WDR20: variants seen among roughly 807,000 people sequenced by gnomAD.
WDR20 encodes WD repeat domain 20.
WDR20 carries 3 observed loss-of-function variants against 38.7 expected under a neutral mutation model. The observed-to-expected ratio is 0.08, with a 90% confidence interval of 0.04 to 0.20. The LOEUF is 0.20. Ranked by LOEUF, WDR20 falls within the 10% of genes least tolerant of loss-of-function variation. The pLI, the probability that WDR20 is intolerant of heterozygous loss-of-function variation, is 1.00. For missense variants in WDR20, 559 were observed against 727.7 expected (o/e 0.77, Z 2.67); for synonymous variants, 298 against 285.6 (o/e 1.04, Z -0.44).
chr14:102,174,530 C>T (rs889793527), intron 1 of WDR20, among the ~76,000 whole-genome samples: 1 of 152,348 alleles, frequency 6.6e-6, no homozygotes, highest in South Asian at 2.1e-4. Flanking sequence ...AGCGATTCTC[C>T]TGTCTCAGCC....
At chr14:102,166,773 G>A (rs2059870873) in intron 1 of WDR20, among the ~76,000 whole-genome samples, 1 of 152,146 alleles carries the variant, frequency 6.6e-6, no homozygotes, top group Non-Finnish European at 1.5e-5. Context: ...TCACTCATGA[G>A]ACTGTCTTTT....
At chr14:102,172,483 G>A (rs1596261277) in intron 1 of WDR20, among the ~76,000 whole-genome samples, 4 of 150,544 alleles carry the variant, frequency 2.7e-5, no homozygotes, top group East Asian at 1.9e-4. Flanking sequence ...AGTAGGGGCG[G>A]CCGGGCAGAG....
intron 1 of WDR20, among the ~76,000 whole-genome samples, chr14:102,144,053 A>T (rs2052606705): frequency 6.6e-6 from 1 of 151,434 alleles, no homozygotes; most frequent in South Asian, 2.1e-4. Flanking sequence ...CCATGGTGGT[A>T]TGTGCCTGTA....
At chr14:102,184,153 G>T (rs2064000300) in intron 1 of WDR20, among the ~76,000 whole-genome samples, 3 of 152,170 alleles carry the variant, frequency 2.0e-5, no homozygotes, top group African/African-American at 7.2e-5. Context: ...GTGTTAGTAT[G>T]TGTGCAAATT....
upstream of WDR20, chr14:102,139,685 C>G: frequency 3.0e-6 from 2 of 672,638 alleles, no homozygotes; most frequent in Non-Finnish European, 4.9e-6. Flanking sequence ...GAGGCCACAC[C>G]CGGGGGAGGA....
At chr14:102,200,467 T>TTGTG (rs71395660) in intron 2 of WDR20, among the ~76,000 whole-genome samples, 4,866 of 117,462 alleles carry the variant, frequency 0.041, 137 homozygotes, top group Middle Eastern at 0.087. Flanking sequence ...ATTTTTTTTT[T>TTGTG]TGTGTGTGTG....
intron 1 of WDR20, among the ~76,000 whole-genome samples, chr14:102,193,679 T>C (rs2058927821): frequency 6.6e-6 from 1 of 152,350 alleles, no homozygotes; most frequent in East Asian, 1.9e-4. Flanking sequence ...TCATTACTTA[T>C]ATTTGTTATT....
chr14:102,148,669 TTGTGTGTGTGTGTG>T (rs10525828), intron 1 of WDR20, among the ~76,000 whole-genome samples: 76 of 144,930 alleles, frequency 5.2e-4, no homozygotes, highest in Admixed American at 1.4e-3. Flanking sequence ...GAGTTTGGCT[TTGTGTGTGTGTGTG>T]TGTGTGTGTG....
chr14:102,189,647 C>T (rs189910229), intron 1 of WDR20, among the ~76,000 whole-genome samples: 2 of 152,166 alleles, frequency 1.3e-5, no homozygotes, highest in African/African-American at 4.8e-5. Context: ...AAAAAACTTA[C>T]GGTGAAGAAC....
At chr14:102,196,676 G>C (rs1261539532) in intron 2 of WDR20, among the ~76,000 whole-genome samples, 5 of 152,140 alleles carry the variant, frequency 3.3e-5, no homozygotes, top group Non-Finnish European at 7.4e-5. Flanking sequence ...GGGAGTTGGA[G>C]ACCACACGTC....
intron 1 of WDR20, among the ~76,000 whole-genome samples, chr14:102,180,299 G>A (rs1223837567): frequency 6.6e-6 from 1 of 152,108 alleles, no homozygotes; most frequent in Non-Finnish European, 1.5e-5. Flanking sequence ...TTCCCATTTT[G>A]TGGAAGTGGT....
At chr14:102,224,630 A>G (rs1337777694), downstream of WDR20, 5 of 455,844 alleles carry the variant, frequency 1.1e-5, no homozygotes, top group Admixed American at 4.7e-5. Flanking sequence ...CTACATTTTC[A>G]CCATTTGTAT....
intron 1 of WDR20, among the ~76,000 whole-genome samples, chr14:102,156,710 A>G (rs1023400277): frequency 6.6e-6 from 1 of 150,986 alleles, no homozygotes; most frequent in East Asian, 2.0e-4. Flanking sequence ...TTTAAAAACT[A>G]TTGGGGCCAG....
chr14:102,162,629 C>T (rs114311704), intron 1 of WDR20, among the ~76,000 whole-genome samples: 2,962 of 152,122 alleles, frequency 0.019, 41 homozygotes, highest in Middle Eastern at 0.041. Context: ...CACGCTCTCT[C>T]GCCCTCTCAC....
At chr14:102,157,678 G>C (rs1424409432) in intron 1 of WDR20, among the ~76,000 whole-genome samples, 1 of 152,094 alleles carries the variant, frequency 6.6e-6, no homozygotes, top group Non-Finnish European at 1.5e-5. Flanking sequence ...CAGATGGTGG[G>C]TCAGCTGAAA....
chr14:102,223,035 C>T (rs1362048140), exon 4 of WDR20: 11 of 799,910 alleles, frequency 1.4e-5, no homozygotes, highest in South Asian at 1.7e-5. Flanking sequence ...GCTCACTCTG[C>T]GGCGCCGTGC....
chr14:102,198,149 G>C (rs956582621), intron 2 of WDR20, among the ~76,000 whole-genome samples: 1 of 144,964 alleles, frequency 6.9e-6, no homozygotes, highest in Non-Finnish European at 1.5e-5. Flanking sequence ...TTATTTATGA[G>C]ACAGAGTCTT....
intron 1 of WDR20, among the ~76,000 whole-genome samples, chr14:102,173,686 T>C (rs1444638820): frequency 1.4e-5 from 2 of 147,130 alleles, no homozygotes; most frequent in Non-Finnish European, 3.0e-5. Flanking sequence ...TGCATCCTCA[T>C]AGCTTAGCTC....
At chr14:102,177,249 C>T (rs2062358470) in intron 1 of WDR20, among the ~76,000 whole-genome samples, 1 of 152,236 alleles carries the variant, frequency 6.6e-6, no homozygotes, top group Non-Finnish European at 1.5e-5. Context: ...ATTTGTCTCA[C>T]TCTTTTCTCA....
Sources: allele counts gnomAD v4.1 joint callset (sites outside exome capture counted in the v4.1 genomes callset), GRCh38; gene constraint gnomAD v4.1.1; transcripts MANE v1.5; gene names NCBI Gene and HGNC (gene_info 2026-07-23, HGNC 2026-07-21).